The following APP variants were observed in gnomAD, a reference collection of about 807,000 sequenced individuals.
The protein encoded by APP is amyloid beta precursor protein.
In APP, 31 loss-of-function variants were observed where a neutral mutation model predicts 101.4. The ratio of observed to expected loss-of-function variants is 0.31; its 90% confidence interval spans 0.23 to 0.41. APP has a LOEUF of 0.41. APP is among the 10% of genes least tolerant of loss of function. The probability of loss-of-function intolerance (pLI) is 1.00; values close to 1 mark genes in which losing one functional copy is unlikely to be tolerated. For missense variants in APP, 839 were observed against 1,003.7 expected (o/e 0.84, Z 2.22); for synonymous variants, 366 against 364.4 (o/e 1.00, Z -0.05).
At chr21:26,040,432 T>C (rs1489617782) in intron 5 of APP, among the ~76,000 whole-genome samples, 1 of 151,954 alleles carries the variant, frequency 6.6e-6, no homozygotes, top group Non-Finnish European at 1.5e-5. Flanking sequence ...TGAAACCTCG[T>C]CTCTACTAAA....
chr21:25,938,100 A>G (rs2040428197), intron 13 of APP, among the ~76,000 whole-genome samples: 1 of 152,136 alleles, frequency 6.6e-6, no homozygotes, highest in South Asian at 2.1e-4. Flanking sequence ...CCCTTTAGAT[A>G]CAGTTAATGG....
rs73336748 is a variant in APP at position 25,932,243 on chromosome 21, G to T, written c.1688-20281C>A. Among the ~76,000 whole-genome samples the T allele has an allele frequency of 4.7e-3, 721 of 152,290 alleles. 8 individuals carry two copies. The highest frequency in any genetic ancestry group is 0.016 in the African/African-American group (671 of 41,556). On this transcript the variant is annotated intron_variant, in intron 13 of 17. Transcript: ENST00000346798. ...ATCTTTTCCTGCCGAGAACAAAGAA[G>T]AAAATAGTGTAGGAGATGAAAAGTA...
At chr21:26,161,201 C>A (rs2063485740) in intron 1 of APP, among the ~76,000 whole-genome samples, 1 of 152,178 alleles carries the variant, frequency 6.6e-6, no homozygotes, top group South Asian at 2.1e-4. Flanking sequence ...ACACTAACTT[C>A]TCTCTCCCAC....
chr21:26,148,793 T>A (rs1005417684), intron 1 of APP, among the ~76,000 whole-genome samples: 2 of 152,268 alleles, frequency 1.3e-5, no homozygotes, highest in Non-Finnish European at 2.9e-5. Flanking sequence ...GGCCATGTTC[T>A]GTGCTTTGCA....
chr21:25,930,586 T>TTATA (rs34986093), intron 13 of APP, among the ~76,000 whole-genome samples: 25,816 of 149,916 alleles, frequency 0.17, 3,432 homozygotes, highest in African/African-American at 0.37. Flanking sequence ...ATAGCACAAA[T>TTATA]TATATATATA....
At chr21:25,883,192 C>G (rs568731601) in intron 17 of APP, among the ~76,000 whole-genome samples, 1 of 152,266 alleles carries the variant, frequency 6.6e-6, no homozygotes, top group African/African-American at 2.4e-5. Context: ...CACTTGAGGT[C>G]AGGAGTTTGA....
intron 6 of APP, among the ~76,000 whole-genome samples, chr21:26,010,820 C>CAAAAAAAAAAAAAAAAAAAAAGTAAAA (rs2043765620): frequency 1.8e-5 from 1 of 54,844 alleles, no homozygotes; most frequent in Non-Finnish European, 3.2e-5. Flanking sequence ...GACTTCGTCT[C>CAAAAAAAAAAAAAAAAAAAAAGTAAAA]AAAAAAAAAA....
At chr21:25,897,481 C>CT in intron 16 of APP, 92 bp downstream of exon 16, 1 of 1,010,834 alleles carries the variant, frequency 9.9e-7, no homozygotes, top group Non-Finnish European at 1.6e-6. Context: ...TTATCTTTTC[C>CT]TTAATTTGAT....
intron 11 of APP, among the ~76,000 whole-genome samples, chr21:25,963,195 G>C (rs1057095909): frequency 1.3e-5 from 2 of 152,098 alleles, no homozygotes; most frequent in African/African-American, 4.8e-5. Flanking sequence ...CTCAAATTTG[G>C]TGTTGCTGGG....
Position 26,063,653 on chromosome 21 carries a change from A to G in APP, c.356-10305T>C, listed in dbSNP as rs554386391. Among the ~76,000 whole-genome samples the G allele has an allele frequency of 7.5e-4, 115 of 152,370 alleles. 1 individual carries two copies. The Middle Eastern group carries it at 0.01, about 14-fold the overall frequency. On this transcript the variant is annotated intron_variant, in intron 3 of 17. Transcript: ENST00000346798. The stretch of plus-strand genomic sequence containing the variant: ...GTGCTGGATTAGAAATCAAAGTACA[A>G]TGTAAATATCCATGAGTCTAAATGA...
At chr21:26,067,654 T>C (rs932396075) in intron 3 of APP, among the ~76,000 whole-genome samples, 7 of 152,302 alleles carry the variant, frequency 4.6e-5, no homozygotes, top group African/African-American at 1.7e-4. Flanking sequence ...AAACTGCTCA[T>C]CTCCCCCCAT....
intron 16 of APP, 26 bp downstream of exon 16, chr21:25,897,547 G>C: frequency 6.5e-7 from 1 of 1,542,870 alleles, no homozygotes; most frequent in Non-Finnish European, 9.0e-7. Flanking sequence ...AAACAGTAGT[G>C]GAAAGAGGTA....
chr21:25,956,745 T>C (rs2041339368), intron 11 of APP, among the ~76,000 whole-genome samples: 1 of 152,120 alleles, frequency 6.6e-6, no homozygotes, highest in Admixed American at 6.5e-5. Context: ...CGGGTGGTAA[T>C]GGAGCTTTTG....
chr21:25,933,922 C>T (rs919446957), intron 13 of APP: 2 of 152,010 alleles, frequency 1.3e-5, no homozygotes, highest in Non-Finnish European at 2.9e-5. Context: ...AAAACATAAC[C>T]GCATTATGGG....
At chr21:25,922,869 G>GA (rs1453308891) in intron 13 of APP, among the ~76,000 whole-genome samples, 2 of 97,760 alleles carry the variant, frequency 2.0e-5, no homozygotes, top group African/African-American at 9.3e-5. Flanking sequence ...CACAGAATTG[G>GA]AAAAAACTAC....
intron 3 of APP, among the ~76,000 whole-genome samples, chr21:26,058,991 G>A (rs2046156181): frequency 6.6e-6 from 1 of 151,764 alleles, no homozygotes. Context: ...TGAGGCAGGA[G>A]AATGGCGTGA....
intron 3 of APP, among the ~76,000 whole-genome samples, chr21:26,075,063 C>A (rs1858932286): frequency 6.6e-6 from 1 of 152,160 alleles, no homozygotes; most frequent in South Asian, 2.1e-4. Flanking sequence ...CTCAGAAATT[C>A]TTTTAGGCAT....
At chr21:25,904,754 A>G (rs1465329065) in intron 15 of APP, among the ~76,000 whole-genome samples, 1 of 151,576 alleles carries the variant, frequency 6.6e-6, no homozygotes, top group Non-Finnish European at 1.5e-5. Context: ...TAAAGAAAAA[A>G]GAAAAAAAAA....
rs2062092426 is a variant in APP, at chr21:26,102,865, G to C, written c.225+9114C>G. Reference sequence around the variant, plus strand: ...AGACTGCACCACTGCACTCCAGCCTGGTTGATGGAGTGGGACTCTGTCTCA... The same window carrying C: ...AGACTGCACCACTGCACTCCAGCCTCGTTGATGGAGTGGGACTCTGTCTCA... On this transcript the variant is annotated intron_variant, in intron 2 of 17. Coordinates refer to ENST00000346798, the MANE Select transcript of APP (RefSeq NM_000484.4). Among the ~76,000 whole-genome samples, 2 of 133,038 alleles carry C rather than the reference G, an allele frequency of 1.5e-5. 1 individual carries two copies. Among genetic ancestry groups the C allele is most frequent in the African/African-American group, 5.7e-5 (2 of 34,838 alleles). 87.3% of individuals were successfully genotyped at this position (133,038 alleles called of 152,430 possible). A position where few individuals can be genotyped will look rare whatever the true frequency, so the allele number is the denominator to read the frequency against.
Sources: allele counts gnomAD v4.1 joint callset (sites outside exome capture counted in the v4.1 genomes callset), GRCh38; gene constraint gnomAD v4.1.1; transcripts MANE v1.5; gene names NCBI Gene and HGNC (gene_info 2026-07-23, HGNC 2026-07-21).